The following EXT2 variants were observed in gnomAD, a reference collection of about 807,000 sequenced individuals.
EXT2 encodes exostosin glycosyltransferase 2.
Under a neutral mutation model 81.6 loss-of-function variants are expected in EXT2, and 53 were observed. The observed-to-expected ratio is 0.65, with a 90% CI of 0.52 to 0.82. The LOEUF is 0.82. EXT2 is among the 40% of genes least tolerant of loss of function. The pLI, the probability that EXT2 is intolerant of heterozygous loss-of-function variation, is 0.00. For missense variants in EXT2, 774 were observed against 910.2 expected, an observed-to-expected ratio of 0.85 and a Z score of 1.93; for synonymous variants, 320 against 340.0, an observed-to-expected ratio of 0.94 and a Z score of 0.65.
chr11:44,127,059 A>G (rs1239881572), intron 6 of EXT2, 104 bp downstream of exon 6: 7 of 1,426,908 alleles, frequency 4.9e-6, no homozygotes, highest in Non-Finnish European at 6.9e-6. Flanking sequence ...AAGAACTACT[A>G]CAGATAGTTT....
chr11:44,167,812 C>CT (rs944742849), intron 7 of EXT2, among the ~76,000 whole-genome samples: 2 of 151,962 alleles, frequency 1.3e-5, no homozygotes, highest in African/African-American at 4.8e-5. Context: ...AGGAGACTTT[C>CT]TTTTTTTTAT....
intron 8 of EXT2, among the ~76,000 whole-genome samples, chr11:44,173,545 T>C (rs1955107308): frequency 1.3e-5 from 2 of 150,122 alleles, no homozygotes; most frequent in African/African-American, 4.9e-5. Context: ...CTGCTTTCTT[T>C]TTTTTTCTTC....
chr11:44,185,051 T>G (rs1036125574), intron 8 of EXT2, among the ~76,000 whole-genome samples: 6 of 152,216 alleles, frequency 3.9e-5, no homozygotes, highest in African/African-American at 1.4e-4. Flanking sequence ...GAAAAGTGAC[T>G]TTTGTTGCTT....
chr11:44,147,929 C>T (rs972862641), intron 7 of EXT2, among the ~76,000 whole-genome samples: 1 of 152,058 alleles, frequency 6.6e-6, no homozygotes, highest in Non-Finnish European at 1.5e-5. Flanking sequence ...AAGTAACTCT[C>T]AAGGGAATTG....
chr11:44,144,189 CTTAT>C, intron 7 of EXT2: 2 of 1,475,784 alleles, frequency 1.4e-6, no homozygotes, highest in Non-Finnish European at 1.9e-6. Context: ...AAGTTGTGCT[CTTAT>C]TTATTTATTT....
At chr11:44,133,214 A>G (rs566997188) in intron 7 of EXT2, among the ~76,000 whole-genome samples, 1 of 152,248 alleles carries the variant, frequency 6.6e-6, no homozygotes, top group Non-Finnish European at 1.5e-5. Context: ...TACTGTTTCC[A>G]AAACATTCTT....
intron 9 of EXT2, 35 bp downstream of exon 9, chr11:44,198,053 A>G: frequency 1.2e-6 from 2 of 1,608,352 alleles, no homozygotes; most frequent in Non-Finnish European, 1.7e-6. Context: ...AGCTGGATCA[A>G]TTTTGGATGG....
chr11:44,108,274 C>T (rs1339212112), intron 2 of EXT2, 26 bp downstream of exon 2: 2 of 1,606,078 alleles, frequency 1.2e-6, no homozygotes, highest in Non-Finnish European at 1.7e-6. Context: ...ACAGCCCAGC[C>T]CCCAGGAGAT....
intron 1 of EXT2, among the ~76,000 whole-genome samples, chr11:44,097,843 A>G (rs890526581): frequency 6.6e-6 from 1 of 152,198 alleles, no homozygotes; most frequent in Non-Finnish European, 1.5e-5. Context: ...TGTGACTGAA[A>G]ACATTGGACT....
intron 1 of EXT2, among the ~76,000 whole-genome samples, chr11:44,101,352 A>G (rs1341836231): frequency 6.6e-6 from 1 of 152,144 alleles, no homozygotes; most frequent in African/African-American, 2.4e-5. Flanking sequence ...CCCAAGGGAT[A>G]TTTGGCAATG....
At chr11:44,136,110 T>C (rs1278499376) in intron 7 of EXT2, among the ~76,000 whole-genome samples, 1 of 152,240 alleles carries the variant, frequency 6.6e-6, no homozygotes, top group Non-Finnish European at 1.5e-5. Flanking sequence ...TGCTTAAAAG[T>C]GTAAACCCTC....
At chr11:44,178,176 C>G (rs1290742247) in intron 8 of EXT2, among the ~76,000 whole-genome samples, 6 of 152,186 alleles carry the variant, frequency 3.9e-5, no homozygotes, top group African/African-American at 1.4e-4. Context: ...GGCAGTGGTT[C>G]TCAATCTTTA....
At chr11:44,169,825 T>G (rs1468051371) in intron 7 of EXT2, among the ~76,000 whole-genome samples, 3 of 24,102 alleles carry the variant, frequency 1.2e-4, no homozygotes, top group Non-Finnish European at 1.9e-4. Context: ...GCATTTTAGC[T>G]TTGATTTTTT....
chr11:44,193,421 A>T (rs1254793412), intron 8 of EXT2, among the ~76,000 whole-genome samples: 1 of 152,206 alleles, frequency 6.6e-6, no homozygotes, highest in East Asian at 1.9e-4. Flanking sequence ...ATATTACCTC[A>T]TTTATGCTAA....
At chr11:44,144,560 A>G (rs1954690403) in intron 7 of EXT2, among the ~76,000 whole-genome samples, 1 of 152,170 alleles carries the variant, frequency 6.6e-6, no homozygotes, top group Admixed American at 6.5e-5. Flanking sequence ...GTGTTTTGCT[A>G]GGGACCTCAC....
chr11:44,209,466 T>C (rs1160990376), intron 10 of EXT2, among the ~76,000 whole-genome samples: 1 of 152,190 alleles, frequency 6.6e-6, no homozygotes, highest in Non-Finnish European at 1.5e-5. Flanking sequence ...GAAGGAACAT[T>C]TCTATCTTGA....
At chr11:44,232,234 C>A (rs1441008676) in intron 10 of EXT2, 119 bp from the exon 11 acceptor site, 9 of 1,321,248 alleles carry the variant, frequency 6.8e-6, no homozygotes, top group South Asian at 1.2e-5. Context: ...CCCATTATGA[C>A]CTTCTTAGGT....
intron 7 of EXT2, among the ~76,000 whole-genome samples, chr11:44,155,221 T>C (rs1467516718): frequency 6.6e-6 from 1 of 152,198 alleles, no homozygotes; most frequent in Non-Finnish European, 1.5e-5. Context: ...TTGAATAGTT[T>C]CATGGTTTGA....
At chr11:44,221,422 T>C (rs1435957380) in intron 10 of EXT2, among the ~76,000 whole-genome samples, 1 of 152,196 alleles carries the variant, frequency 6.6e-6, no homozygotes, top group Admixed American at 6.5e-5. Context: ...TTAAAGAATA[T>C]GTACTTTCCC....
Sources: allele counts gnomAD v4.1 joint callset (sites outside exome capture counted in the v4.1 genomes callset), GRCh38; gene constraint gnomAD v4.1.1; transcripts MANE v1.5; gene names NCBI Gene and HGNC (gene_info 2026-07-23, HGNC 2026-07-21).